PSME4: variants seen among roughly 807,000 people sequenced by gnomAD.
PSME4 encodes the protein proteasome activator subunit 4.
Under a neutral mutation model 253.9 loss-of-function variants are expected in PSME4, and 89 were observed. The observed-to-expected ratio is 0.35, with a 90% CI of 0.30 to 0.42. The LOEUF is 0.42. Among genes scored for constraint, PSME4 ranks in the 10% least tolerant of loss-of-function variants. PSME4 has a pLI of 1.00. For synonymous variants in PSME4, 851 were observed against 759.2 expected (o/e 1.12, Z -1.99); for missense variants, 2,014 against 2,195.2 (o/e 0.92, Z 1.65).
chr2:53,904,136 T>C lies in PSME4; in HGVS notation c.2964A>G (p.Gln988=), dbSNP rs376278306. ...ATGCTCCCAAGGCAGCAAAAAATGTTTGCTGAGCCTTATTTCTCACCTGGA... is the reference window on the plus strand; with the variant it reads ...ATGCTCCCAAGGCAGCAAAAAATGTCTGCTGAGCCTTATTTCTCACCTGGA... The part of the protein sequence containing the change: ...SYSQVRNKAQ[Q]TFFAALGAYN... Residue 988 remains glutamine, a synonymous_variant, in exon 27 of 47, where the codon CAA becomes CAG. Coordinates refer to ENST00000404125, the MANE Select transcript of PSME4 (RefSeq NM_014614.3). 263 of 1,612,036 alleles carry C rather than the reference T, an allele frequency of 1.6e-4. No homozygotes were observed. Among genetic ancestry groups the C allele is most frequent in the African/African-American group, 2.7e-4 (20 of 74,868 alleles).
Position 53,925,965 on chromosome 2 carries a change from A to C in PSME4, c.1652T>G (p.Met551Arg). ...GTGTGGGTTACAAGCTCACCTGTCC[A>C]TAAACTGTAAGACGAAATCCTCAAA... ...AEFEDFVLQF[M>R]DRCFGLIESS... is the part of the protein sequence containing the mutation. The change falls in exon 13 of 47, where the codon ATG becomes AGG. Residue 551 changes from methionine to arginine, a missense_variant. Met to Arg is a moderately conservative substitution (Grantham distance 91). This residue lies in a region of PSME4 where 989 missense variants were observed against 1,021.1 expected (regional missense o/e 0.97). Transcript: ENST00000404125. 2 of 1,612,958 alleles carry C rather than the reference A, an allele frequency of 1.2e-6. No homozygotes were observed. The highest frequency in any genetic ancestry group is 1.7e-6 in the Non-Finnish European group (2 of 1,178,892).
rs1043721279 is a variant in PSME4 at position 53,940,063 on chromosome 2, T to C, written c.501-63A>G. ...ATTTTAAGAACATATCTAATTCAATTAATAAATATCTATAAGATAACCTCA... is the reference window on the plus strand; with the variant it reads ...ATTTTAAGAACATATCTAATTCAATCAATAAATATCTATAAGATAACCTCA... On this transcript the variant is annotated intron_variant, in intron 3 of 46. Coordinates refer to ENST00000404125, the MANE Select transcript of PSME4 (RefSeq NM_014614.3). The C allele has an allele frequency of 2.5e-6, 3 of 1,217,656 alleles. No homozygotes were observed. The Admixed American group carries it at 6.5e-5, about 26-fold the overall frequency. The allele number at this position is 1,217,656 out of a possible 1,614,324, so 75.4% of individuals were successfully genotyped here. A position where few individuals can be genotyped will look rare whatever the true frequency, so the allele number is the denominator to read the frequency against.
At chr2:53,927,294 T>C (rs891593714) in intron 12 of PSME4, 100 bp downstream of exon 12, 1 of 856,270 alleles carries the variant, frequency 1.2e-6, no homozygotes, top group Non-Finnish European at 1.9e-6. Flanking sequence ...AAAATAGTGA[T>C]TTTACTTCCA....
At chr2:53,955,080 A>C (rs1670171416) in intron 1 of PSME4, among the ~76,000 whole-genome samples, 1 of 152,104 alleles carries the variant, frequency 6.6e-6, no homozygotes, top group Non-Finnish European at 1.5e-5. Flanking sequence ...CTGAAACACG[A>C]GGAGCATCTG....
intron 12 of PSME4, among the ~76,000 whole-genome samples, chr2:53,927,043 C>G (rs181881599): frequency 9.9e-5 from 15 of 151,120 alleles, no homozygotes; most frequent in African/African-American, 3.4e-4. Context: ...TGAAGAAAAT[C>G]TTTCTTCATT....
intron 1 of PSME4, among the ~76,000 whole-genome samples, chr2:53,963,948 G>A (rs768225314): frequency 2.6e-5 from 4 of 152,120 alleles, no homozygotes; most frequent in Admixed American, 6.6e-5. Context: ...AACTGGCCAT[G>A]AGTTAATTAA....
intron 18 of PSME4, 56 bp downstream of exon 18, chr2:53,920,833 C>A: frequency 4.3e-6 from 6 of 1,389,080 alleles, no homozygotes; most frequent in Non-Finnish European, 6.0e-6. Context: ...CACTTTGAAT[C>A]CCTTAAAACA....
intron 20 of PSME4, among the ~76,000 whole-genome samples, chr2:53,918,366 G>T (rs1042150822): frequency 4.6e-5 from 7 of 151,938 alleles, no homozygotes; most frequent in Admixed American, 1.3e-4. Flanking sequence ...TTTTTAAAAT[G>T]TTTTTGAGAC....
chr2:53,942,534 G>T (rs1237297768), intron 3 of PSME4, among the ~76,000 whole-genome samples: 5 of 151,950 alleles, frequency 3.3e-5, no homozygotes, highest in Non-Finnish European at 7.4e-5. Context: ...ATCTTAATTT[G>T]AGTATCAGTT....
At position 53,924,867 on chromosome 2, in the gene PSME4, T is replaced by C. The variant is rs573528761; in HGVS notation, c.1809+672A>G. On this transcript the variant is annotated intron_variant, in intron 14 of 46. Coordinates refer to ENST00000404125, the MANE Select transcript of PSME4 (RefSeq NM_014614.3). ...ACTGAACCATTGCTCCCAGGGGAAA[T>C]ACAGGATTATGTTCCTGTGAACCTA... Among the ~76,000 whole-genome samples the C allele has an allele frequency of 5.3e-5, 8 of 152,334 alleles. No homozygotes were observed. In the South Asian group the frequency reaches 1.2e-3, roughly 24 times the overall value.
At chr2:53,878,881 T>C (rs1219636725) in intron 41 of PSME4, among the ~76,000 whole-genome samples, 1 of 152,200 alleles carries the variant, frequency 6.6e-6, no homozygotes, top group Non-Finnish European at 1.5e-5. Context: ...CTCCATTTCC[T>C]TTGTGATATT....
chr2:53,883,237 A>G (rs1196569637), intron 41 of PSME4, among the ~76,000 whole-genome samples: 1 of 152,208 alleles, frequency 6.6e-6, no homozygotes, highest in Non-Finnish European at 1.5e-5. Context: ...TGGGAGACCA[A>G]AAATAGTAGC....
intron 1 of PSME4, among the ~76,000 whole-genome samples, chr2:53,952,042 C>T: frequency 6.6e-6 from 1 of 152,040 alleles, no homozygotes; most frequent in East Asian, 1.9e-4. Context: ...TAAATGAACA[C>T]AAACATCTCC....
At chr2:53,961,973 C>A (rs988226276) in intron 1 of PSME4, among the ~76,000 whole-genome samples, 21 of 152,062 alleles carry the variant, frequency 1.4e-4, no homozygotes, top group African/African-American at 5.1e-4. Context: ...GAGGCAAAGG[C>A]AGAGAACAAA....
intron 15 of PSME4, 80 bp from the exon 16 acceptor site, chr2:53,923,198 C>T (rs1668401263): frequency 6.8e-7 from 1 of 1,478,004 alleles, no homozygotes; most frequent in African/African-American, 1.4e-5. Context: ...CAGTAAAAGG[C>T]TGTAAATAAG....
At chr2:53,934,846 A>C in intron 7 of PSME4, 119 bp from the exon 8 acceptor site, 1 of 783,616 alleles carries the variant, frequency 1.3e-6, no homozygotes, top group Non-Finnish European at 2.0e-6. Flanking sequence ...AGGGTTTTTA[A>C]GTGAAATTAC....
intron 25 of PSME4, 25 bp from the exon 26 acceptor site, chr2:53,906,718 A>C: frequency 6.3e-7 from 1 of 1,594,122 alleles, no homozygotes; most frequent in Non-Finnish European, 8.5e-7. Flanking sequence ...GCAAACATTT[A>C]CTAAAATTTG....
intron 46 of PSME4, 75 bp downstream of exon 46, chr2:53,866,010 C>CA (rs1294617898): frequency 7.2e-7 from 1 of 1,387,344 alleles, no homozygotes; most frequent in Non-Finnish European, 9.7e-7. Flanking sequence ...AGAATGTCAG[C>CA]AAAAAGAAAA....
intron 20 of PSME4, among the ~76,000 whole-genome samples, chr2:53,912,611 C>A (rs1367304452): frequency 6.6e-6 from 1 of 152,166 alleles, no homozygotes; most frequent in East Asian, 1.9e-4. Context: ...CAGGTGCACA[C>A]CACCTCGCCA....
Sources: allele counts gnomAD v4.1 joint callset (sites outside exome capture counted in the v4.1 genomes callset), GRCh38; gene constraint gnomAD v4.1.1; regional missense constraint gnomAD v4.1.1; transcripts MANE v1.5; gene names NCBI Gene and HGNC (gene_info 2026-07-23, HGNC 2026-07-21).